EPS8: variants seen among roughly 807,000 people sequenced by gnomAD.
The protein encoded by EPS8 is epidermal growth factor receptor kinase substrate 8.
A neutral mutation model predicts 103.8 loss-of-function variants in EPS8; 42 were observed. The ratio of observed to expected loss-of-function variants is 0.40; its 90% CI spans 0.32 to 0.52. The LOEUF (loss-of-function observed/expected upper bound fraction) is 0.52. Among genes scored for constraint, EPS8 ranks in the 20% least tolerant of loss-of-function variants. EPS8 has a pLI of 0.40. For missense variants in EPS8, 969 were observed against 1,005.1 expected, an observed-to-expected ratio of 0.96 and a Z score of 0.49; for synonymous variants, 344 against 344.6, an observed-to-expected ratio of 1.00 and a Z score of 0.02.
At chr12:15,632,546 T>G (rs182209251) in intron 17 of EPS8, among the ~76,000 whole-genome samples, 1 of 152,308 alleles carries the variant, frequency 6.6e-6, no homozygotes, top group Admixed American at 6.5e-5. Flanking sequence ...ACAGGACAAT[T>G]ATTTGTAATT....
Position 15,716,950 on chromosome 12 carries a change from C to T in EPS8, c.-21-33978G>A, listed in dbSNP as rs1362451043. 6.6e-6 allele frequency among the ~76,000 whole-genome samples: 1 copy of T among 152,190 alleles called. No individual in the cohort carries two copies. On this transcript the variant is annotated intron_variant, in intron 1 of 20. Transcript: ENST00000281172. The surrounding 1 kb of genome is among the most constrained non-coding windows in gnomAD (Gnocchi z 5.0). ...TTGTCTTCTCTAAACCAATCCTTCTCCTAACTTTAATACCTTTTTCAGTGA... is the reference window on the plus strand; with the variant it reads ...TTGTCTTCTCTAAACCAATCCTTCTTCTAACTTTAATACCTTTTTCAGTGA...
rs911847159 is a variant in EPS8, at chr12:15,764,106, T to C, written c.-22+25055A>G. 6.6e-6 allele frequency among the ~76,000 whole-genome samples: 1 copy of C among 152,208 alleles called. No homozygotes were observed. The highest frequency in any genetic ancestry group is 1.5e-5 in the Non-Finnish European group (1 of 68,036). ...CATGGCTAGGGAGGCCTCATAATCA[T>C]GTCCAAAGGTGAAGGAGGAGCAAAG... is the stretch of plus-strand genomic sequence containing the variant. On this transcript the variant is annotated intron_variant, in intron 1 of 20. Coordinates refer to ENST00000281172, the MANE Select transcript of EPS8 (RefSeq NM_004447.6). This position sits in a 1 kb window ranked among gnomAD's most constrained non-coding sequence, Gnocchi z 4.1.
intron 1 of EPS8, among the ~76,000 whole-genome samples, chr12:15,741,544 G>A (rs1331177098): frequency 6.6e-6 from 1 of 152,166 alleles, no homozygotes; most frequent in East Asian, 1.9e-4. Flanking sequence ...AATTTATCGA[G>A]CCTGCCCCTG....
chr12:15,628,286 T>G, intron 18 of EPS8, among the ~76,000 whole-genome samples: 1 of 152,134 alleles, frequency 6.6e-6, no homozygotes, highest in African/African-American at 2.4e-5. Flanking sequence ...AAAGATTTGG[T>G]TTCTCATCTG....
At position 15,716,104 on chromosome 12, in the gene EPS8, T is replaced by C. The variant is rs1591890076; in HGVS notation, c.-21-33132A>G. On this transcript the variant is annotated intron_variant, in intron 1 of 20. Coordinates refer to ENST00000281172, the MANE Select transcript of EPS8 (RefSeq NM_004447.6). This position sits in a 1 kb window ranked among gnomAD's most constrained non-coding sequence, Gnocchi z 5.0. ...AATTCCAACCCAACATTTCAAAGTA[T>C]CACTAAACTTGAGAGCTGAAAGAAA... Among the ~76,000 whole-genome samples the C allele has an allele frequency of 6.6e-6, 1 of 152,232 alleles. No individual in the cohort carries two copies. The highest frequency in any genetic ancestry group is 1.9e-4 in the East Asian group (1 of 5,176).
At chr12:15,623,121 T>C in intron 20 of EPS8, 37 bp downstream of exon 20, 1 of 1,570,394 alleles carries the variant, frequency 6.4e-7, no homozygotes, top group Non-Finnish European at 8.6e-7. Flanking sequence ...AGCTTTCAAT[T>C]TGCAGAAAAA....
chr12:15,758,180 C>G (rs1947007017), intron 1 of EPS8, among the ~76,000 whole-genome samples: 1 of 152,176 alleles, frequency 6.6e-6, no homozygotes, highest in African/African-American at 2.4e-5. Context: ...TTGTCCACAT[C>G]CAAGGAGAGC....
In EPS8 at chr12:15,736,946, C is replaced by T. The variant is rs1385699853; in HGVS notation, c.-22+52215G>A. 6.6e-6 allele frequency among the ~76,000 whole-genome samples: 1 copy of T among 152,110 alleles called. No homozygotes were observed. The highest frequency in any genetic ancestry group is 2.4e-5 in the African/African-American group (1 of 41,450). On this transcript the variant is annotated intron_variant, in intron 1 of 20. Transcript: ENST00000281172. The surrounding 1 kb of genome is among the most constrained non-coding windows in gnomAD (Gnocchi z 4.2). ...TAAATACTTAAAAAAATAAAATCTT[C>T]ATATTTAAAGTAACATACTTTAATT... is the stretch of plus-strand genomic sequence containing the variant.
intron 12 of EPS8, among the ~76,000 whole-genome samples, chr12:15,657,382 C>G (rs761352162): frequency 6.6e-6 from 1 of 152,294 alleles, no homozygotes; most frequent in Non-Finnish European, 1.5e-5. Context: ...TAGACACATG[C>G]GTGCATCCCC....
At chr12:15,644,877 T>G (rs971837208) in intron 15 of EPS8, among the ~76,000 whole-genome samples, 1 of 152,252 alleles carries the variant, frequency 6.6e-6, no homozygotes, top group Admixed American at 6.5e-5. Context: ...TTCAAAATGA[T>G]GACAAATGTT....
At position 15,740,262 on chromosome 12, in the gene EPS8, G is replaced by C. The variant is rs112160657; in HGVS notation, c.-22+48899C>G. On this transcript the variant is annotated intron_variant, in intron 1 of 20. Coordinates refer to ENST00000281172, the MANE Select transcript of EPS8 (RefSeq NM_004447.6). Reference sequence around the variant, plus strand: ...ACTAAGTTCACTAAATGGGAAATTCGTAGGCTGGGAGCGGTGGCTCACGCC... The same window carrying C: ...ACTAAGTTCACTAAATGGGAAATTCCTAGGCTGGGAGCGGTGGCTCACGCC... Among the ~76,000 whole-genome samples the C allele has an allele frequency of 1.2e-3, 186 of 152,164 alleles. 4 individuals carry two copies. In the East Asian group the frequency reaches 0.031, roughly 25 times the overall value.
chr12:15,667,816 T>C (rs1945742579), intron 6 of EPS8, among the ~76,000 whole-genome samples: 2 of 152,178 alleles, frequency 1.3e-5, no homozygotes, highest in Admixed American at 6.5e-5. Flanking sequence ...ATGCATACAG[T>C]GCTTCGTGGT....
chr12:15,743,401 G>A (rs1271985635), intron 1 of EPS8, among the ~76,000 whole-genome samples: 2 of 152,102 alleles, frequency 1.3e-5, no homozygotes, highest in African/African-American at 4.8e-5. Context: ...TCACAGAATT[G>A]GAAAAAACTA....
chr12:15,651,935 T>C (rs925061350), intron 13 of EPS8, among the ~76,000 whole-genome samples: 8 of 152,154 alleles, frequency 5.3e-5, no homozygotes, highest in Non-Finnish European at 1.0e-4. Context: ...TGTAGTTTTT[T>C]GAATGTTAAT....
rs149227430 is a variant in EPS8 at position 15,747,057 on chromosome 12, G to A, written c.-22+42104C>T. 7.9e-5 allele frequency among the ~76,000 whole-genome samples: 12 copies of A among 152,162 alleles called. No homozygotes were observed. The highest frequency in any genetic ancestry group is 4.6e-4 in the Admixed American group (7 of 15,284). On this transcript the variant is annotated intron_variant, in intron 1 of 20. Transcript: ENST00000281172. This position sits in a 1 kb window ranked among gnomAD's most constrained non-coding sequence, Gnocchi z 4.4. Reference sequence around the variant, plus strand: ...TCAACAGTCAATACATATTTTGTACGCAGGAAGTGTTCAGAGAAAATAAAC... The same window carrying A: ...TCAACAGTCAATACATATTTTGTACACAGGAAGTGTTCAGAGAAAATAAAC...
Position 15,704,848 on chromosome 12 carries a change from T to C in EPS8, c.-21-21876A>G, listed in dbSNP as rs533725599. On this transcript the variant is annotated intron_variant, in intron 1 of 20. Coordinates refer to ENST00000281172, the MANE Select transcript of EPS8 (RefSeq NM_004447.6). The surrounding 1 kb of genome is among the most constrained non-coding windows in gnomAD (Gnocchi z 4.6). ...GTAAGGCAAAGACTAGATCTTATTG[T>C]AGCTGCCTCTGTTATGGGGATGTAC... 5.3e-4 allele frequency among the ~76,000 whole-genome samples: 80 copies of C among 152,212 alleles called. No individual in the cohort carries two copies. Among genetic ancestry groups the C allele is most frequent in the Non-Finnish European group, 9.6e-4 (65 of 68,028 alleles).
Position 15,641,316 on chromosome 12 carries a change from C to T in EPS8, c.1677+406G>A, listed in dbSNP as rs979130506. On this transcript the variant is annotated intron_variant, in intron 16 of 20. Coordinates refer to ENST00000281172, the MANE Select transcript of EPS8 (RefSeq NM_004447.6). Reference sequence around the variant, plus strand: ...TGGTGTTGTGGTGGATTATCCCTAACATTATTAGCTCAATGACTGCTGAGT... The same window carrying T: ...TGGTGTTGTGGTGGATTATCCCTAATATTATTAGCTCAATGACTGCTGAGT... Among the ~76,000 whole-genome samples, 120 of 152,082 alleles carry T rather than the reference C, an allele frequency of 7.9e-4. 1 individual carries two copies. The highest frequency in any genetic ancestry group is 2.8e-3 in the African/African-American group (115 of 41,506).
At position 15,757,193 on chromosome 12, in the gene EPS8, T is replaced by C. The variant is rs932109951; in HGVS notation, c.-22+31968A>G. On this transcript the variant is annotated intron_variant, in intron 1 of 20. Coordinates refer to ENST00000281172, the MANE Select transcript of EPS8 (RefSeq NM_004447.6). This position sits in a 1 kb window ranked among gnomAD's most constrained non-coding sequence, Gnocchi z 4.1. ...AGACTGAATAAAATGATTTCTAAAATTGTTACCATTTTAAATACCCTCAAA... is the reference window on the plus strand; with the variant it reads ...AGACTGAATAAAATGATTTCTAAAACTGTTACCATTTTAAATACCCTCAAA... Among the ~76,000 whole-genome samples, 1 of 152,208 alleles carries C rather than the reference T, an allele frequency of 6.6e-6. No homozygotes were observed. The highest frequency in any genetic ancestry group is 2.4e-5 in the African/African-American group (1 of 41,446).
chr12:15,782,205 C>T (rs1373549515), intron 1 of EPS8: 1 of 151,958 alleles, frequency 6.6e-6, no homozygotes, highest in Non-Finnish European at 1.5e-5. Flanking sequence ...AATTTAAAAA[C>T]ACTCGGGCTG....
Sources: allele counts gnomAD v4.1 joint callset (sites outside exome capture counted in the v4.1 genomes callset), GRCh38; gene constraint gnomAD v4.1.1; non-coding constraint Gnocchi (gnomAD v3.1); transcripts MANE v1.5; gene names NCBI Gene and HGNC (gene_info 2026-07-23, HGNC 2026-07-21).